Variants in NAV2 observed in about 807,000 individuals in gnomAD.
NAV2 encodes neuron navigator 2, also known as helicase, APC down-regulated 1.
In NAV2, 54 loss-of-function variants were observed where a neutral mutation model predicts 223.2. The ratio of observed to expected loss-of-function variants is 0.24; its 90% CI spans 0.19 to 0.30. The LOEUF is 0.30. Ranked by LOEUF, NAV2 falls within the 10% of genes least tolerant of loss-of-function variation. The probability of loss-of-function intolerance (pLI) is 1.00; values close to 1 mark genes in which losing one functional copy is unlikely to be tolerated. For synonymous variants in NAV2, 1,279 were observed against 1,239.3 expected (o/e 1.03, Z -0.67); for missense variants, 2,806 against 3,147.5 (o/e 0.89, Z 2.60).
rs183615238 is a variant in NAV2, at chr11:19,894,415, A to G, written c.931+1821A>G. 3.0e-3 allele frequency among the ~76,000 whole-genome samples: 456 copies of G among 152,322 alleles called. 2 individuals are homozygous for G. Among genetic ancestry groups the G allele is most frequent in the African/African-American group, 0.011 (444 of 41,562 alleles). ...GCCAGTCTGCCCTTGCCCTATACTC[A>G]TTTGGGGAGAAGCTATCATAAAAGA... is the stretch of plus-strand genomic sequence containing the variant. On this transcript the variant is annotated intron_variant, in intron 6 of 37. Transcript: ENST00000349880.
At chr11:19,860,724 A>G (rs879487762) in intron 3 of NAV2, among the ~76,000 whole-genome samples, 2,253 of 151,964 alleles carry the variant, frequency 0.015, 36 homozygotes, top group Middle Eastern at 0.017. Context: ...ATGCCACTGC[A>G]CTCCAGCCTG....
chr11:20,028,332 C>T (rs1454868370), intron 11 of NAV2, among the ~76,000 whole-genome samples: 2 of 152,076 alleles, frequency 1.3e-5, no homozygotes, highest in Non-Finnish European at 2.9e-5. Context: ...TTTAATGGGC[C>T]CTTCCATGTT....
intron 1 of NAV2, among the ~76,000 whole-genome samples, chr11:19,365,854 G>A (rs950360464): frequency 1.3e-5 from 2 of 152,210 alleles, no homozygotes; most frequent in Non-Finnish European, 2.9e-5. Flanking sequence ...TTGTTCATAA[G>A]TGTTTATCTT....
chr11:19,979,937 A>G (rs1301345068), intron 10 of NAV2, among the ~76,000 whole-genome samples: 1 of 152,178 alleles, frequency 6.6e-6, no homozygotes, highest in Non-Finnish European at 1.5e-5. Flanking sequence ...GATGACAATA[A>G]CACTTGATAA....
intron 1 of NAV2, among the ~76,000 whole-genome samples, chr11:19,599,347 C>T (rs2046295022): frequency 6.6e-6 from 1 of 152,260 alleles, no homozygotes; most frequent in Admixed American, 6.5e-5. Flanking sequence ...TCCTTCTTAC[C>T]TCCTGTTCAT....
intron 3 of NAV2, among the ~76,000 whole-genome samples, chr11:19,846,795 C>T (rs1272434961): frequency 2.6e-5 from 4 of 152,168 alleles, no homozygotes; most frequent in African/African-American, 9.7e-5. Flanking sequence ...GGTAAAATGG[C>T]ACCAGGTCTG....
Position 19,669,328 on chromosome 11 carries a change from T to C in NAV2, c.76-163156T>C, listed in dbSNP as rs137941649. Among the ~76,000 whole-genome samples, 82 of 152,366 alleles carry C rather than the reference T, an allele frequency of 5.4e-4. No homozygotes were observed. The Middle Eastern group carries it at 0.014, about 25-fold the overall frequency. ...TACTTTCCCATTCCAAAGCCTCAGA[T>C]GGCCTTTCTCATTCCTTCCTTTCCT... On this transcript the variant is annotated intron_variant, in intron 1 of 37. Coordinates refer to the NAV2 transcript ENST00000360655.
intron 10 of NAV2, among the ~76,000 whole-genome samples, chr11:19,950,993 A>G (rs1026732522): frequency 1.3e-5 from 2 of 152,232 alleles, no homozygotes; most frequent in African/African-American, 4.8e-5. Context: ...CGTATGGGGC[A>G]GAGCCCTCTC....
intron 3 of NAV2, among the ~76,000 whole-genome samples, chr11:19,856,519 G>A (rs933183592): frequency 6.6e-6 from 1 of 152,090 alleles, no homozygotes; most frequent in African/African-American, 2.4e-5. Flanking sequence ...TAGGATTCAG[G>A]TGCAACTCCT....
At chr11:19,569,812 G>A (rs2045371278) in intron 1 of NAV2, among the ~76,000 whole-genome samples, 1 of 152,198 alleles carries the variant, frequency 6.6e-6, no homozygotes, top group South Asian at 2.1e-4. Context: ...CACCCTGGAT[G>A]GGGAGTTATG....
intron 1 of NAV2, among the ~76,000 whole-genome samples, chr11:19,760,779 T>C (rs1232007685): frequency 6.6e-6 from 1 of 152,184 alleles, no homozygotes; most frequent in Non-Finnish European, 1.5e-5. Context: ...ACAAATGCAG[T>C]TGACTTTGGC....
chr11:19,947,939 G>A (rs552035700), intron 9 of NAV2, among the ~76,000 whole-genome samples: 15 of 152,270 alleles, frequency 9.9e-5, no homozygotes, highest in East Asian at 7.7e-4. Context: ...AGGAACTCCC[G>A]GTGGGTGGAG....
chr11:20,023,899 A>G (rs962733683), intron 11 of NAV2, among the ~76,000 whole-genome samples: 3 of 152,206 alleles, frequency 2.0e-5, no homozygotes, highest in African/African-American at 7.2e-5. Context: ...CCAAGCATCT[A>G]GCAGACATTG....
intron 1 of NAV2, among the ~76,000 whole-genome samples, chr11:19,635,702 G>A (rs530078553): frequency 1.2e-4 from 18 of 152,286 alleles, no homozygotes; most frequent in African/African-American, 4.1e-4. Context: ...AGTCCCATGA[G>A]AGCGAGAACT....
At chr11:19,471,961 G>T (rs1277613329) in intron 1 of NAV2, among the ~76,000 whole-genome samples, 1 of 152,196 alleles carries the variant, frequency 6.6e-6, no homozygotes, top group East Asian at 1.9e-4. Context: ...CAGATCTGTT[G>T]AAATAAGAAA....
intron 11 of NAV2, among the ~76,000 whole-genome samples, chr11:20,021,414 A>G (rs547469503): frequency 9.2e-5 from 14 of 152,326 alleles, no homozygotes; most frequent in African/African-American, 2.4e-4. Flanking sequence ...AGAGCGAGGA[A>G]ACAATGGAAA....
intron 1 of NAV2, among the ~76,000 whole-genome samples, chr11:19,500,247 T>C (rs1049010191): frequency 1.3e-5 from 2 of 152,072 alleles, no homozygotes; most frequent in African/African-American, 4.8e-5. Context: ...GAGAGGCATG[T>C]GAAGAAGGAA....
chr11:19,652,215 T>C lies in NAV2; in HGVS notation c.76-180269T>C, dbSNP rs192744909. On this transcript the variant is annotated intron_variant, in intron 1 of 37. Transcript: ENST00000360655. ...AGAATCTACCCAGGGTCAGGGGCTT[T>C]GAGGAGTGCTTGGAGGAATCTTGGT... Among the ~76,000 whole-genome samples the C allele has an allele frequency of 8.0e-4, 122 of 152,326 alleles. 5 individuals carry two copies. The highest frequency in any genetic ancestry group is 7.1e-3 in the Admixed American group (108 of 15,298).
chr11:19,591,088 A>T (rs1397253361), intron 1 of NAV2: 1 of 152,218 alleles, frequency 6.6e-6, no homozygotes, highest in South Asian at 2.1e-4. Context: ...GCAAAAATGC[A>T]TTATTCTTTA....
Sources: allele counts gnomAD v4.1 joint callset (sites outside exome capture counted in the v4.1 genomes callset), GRCh38; gene constraint gnomAD v4.1.1; transcripts MANE v1.5; gene names NCBI Gene and HGNC (gene_info 2026-07-23, HGNC 2026-07-21).